Variants in OPA1 observed in about 807,000 individuals in gnomAD.
OPA1 encodes the protein OPA1 mitochondrial dynamin like GTPase.
Under a neutral mutation model 152.9 loss-of-function variants are expected in OPA1, and 59 were observed. The ratio of observed to expected loss-of-function variants is 0.39; its 90% CI spans 0.31 to 0.48. OPA1 has a LOEUF of 0.48. OPA1 is among the 20% of genes least tolerant of loss of function. The pLI is 0.96. For missense variants in OPA1, 1,008 were observed against 1,216.8 expected (o/e 0.83, Z 2.55); for synonymous variants, 400 against 389.9 (o/e 1.03, Z -0.31).
chr3:193,620,460 A>T (rs1195288310), intron 6 of OPA1, among the ~76,000 whole-genome samples: 1 of 152,206 alleles, frequency 6.6e-6, no homozygotes, highest in Non-Finnish European at 1.5e-5. Context: ...TACAGATTTT[A>T]TTTTATACAG....
At chr3:193,603,246 A>C (rs1726734469) in intron 1 of OPA1, among the ~76,000 whole-genome samples, 1 of 152,216 alleles carries the variant, frequency 6.6e-6, no homozygotes, top group African/African-American at 2.4e-5. Context: ...TCTTTGCTTC[A>C]CGTTAAATTT....
At position 193,635,545 on chromosome 3, in the gene OPA1, A is replaced by G. The variant is rs756418052; in HGVS notation, c.948+23A>G. 7 of 1,422,622 alleles carry G rather than the reference A, an allele frequency of 4.9e-6. No individual in the cohort carries two copies. In the East Asian group the frequency reaches 1.4e-4, roughly 28 times the overall value. The allele number at this position is 1,422,622 out of a possible 1,614,324, so 88.1% of individuals were successfully genotyped here. On this transcript the variant is annotated intron_variant, in intron 9 of 30. Coordinates refer to ENST00000361510, the MANE Select transcript of OPA1 (RefSeq NM_130837.3). ...AAGGTATTCTAAGTTTGTCTTGTTT[A>G]TTCTCAAAATTTTACCGCTTAACGT...
chr3:193,666,264 C>T, intron 27 of OPA1, 32 bp from the exon 28 acceptor site: 1 of 1,561,394 alleles, frequency 6.4e-7, no homozygotes, highest in Non-Finnish European at 8.8e-7. Flanking sequence ...TTTAACTTTG[C>T]ATCTGGTAAT....
In OPA1 at chr3:193,615,022, G is replaced by A. The variant is rs1287078471; in HGVS notation, c.332G>A (p.Gly111Asp). 1 of 1,614,016 alleles carries A rather than the reference G, an allele frequency of 6.2e-7. No homozygotes were observed. Among genetic ancestry groups the A allele is most frequent in the African/African-American group, 1.3e-5 (1 of 75,048 alleles). ...RYLILGSAVG[G>D]GYTAKKTFDQ... ...CTCATACTAGGATCGGCTGTTGGGG[G>A]TGGCTACACAGCCAAAAAGGTGAAC... Residue 111 changes from glycine to aspartate, a missense_variant, in exon 2 of 31, where the codon GGT becomes GAT. Gly to Asp is a moderately conservative substitution (Grantham distance 94, BLOSUM62 -1). Coordinates refer to ENST00000361510, the MANE Select transcript of OPA1 (RefSeq NM_130837.3).
At chr3:193,656,701 A>G (rs889222477) in intron 22 of OPA1, among the ~76,000 whole-genome samples, 3 of 152,334 alleles carry the variant, frequency 2.0e-5, no homozygotes, top group Middle Eastern at 3.4e-3. Flanking sequence ...TCTTGAAGAG[A>G]CAGCCCTGTT....
At chr3:193,676,769 A>G (rs1476728799) in intron 29 of OPA1, among the ~76,000 whole-genome samples, 3 of 152,290 alleles carry the variant, frequency 2.0e-5, no homozygotes, top group South Asian at 2.1e-4. Flanking sequence ...TCACAAGGTC[A>G]GGAGATCCAG....
chr3:193,660,771 G>C (rs1158127566), intron 25 of OPA1, among the ~76,000 whole-genome samples: 1 of 152,000 alleles, frequency 6.6e-6, no homozygotes, highest in Non-Finnish European at 1.5e-5. Context: ...TGAGGAAGCA[G>C]ACAGTTAGTG....
intron 9 of OPA1, among the ~76,000 whole-genome samples, chr3:193,636,779 C>T (rs1440901207): frequency 1.3e-5 from 2 of 151,948 alleles, no homozygotes; most frequent in East Asian, 3.9e-4. Flanking sequence ...TGCTCTCTGT[C>T]CTCTCTCTTT....
chr3:193,642,382 C>T (rs541510192), intron 11 of OPA1, among the ~76,000 whole-genome samples: 18 of 152,286 alleles, frequency 1.2e-4, no homozygotes, highest in African/African-American at 3.8e-4. Flanking sequence ...TGTCCTTTAC[C>T]TAAATTCATC....
rs940933792 is a variant in OPA1, at chr3:193,697,561, T to C, written c.*2961T>C. ...CTATTATTGGAGAGCATCTTTTAAATTTTTTTCTGTTTTAACGAGGGAAAG... is the reference window on the plus strand; with the variant it reads ...CTATTATTGGAGAGCATCTTTTAAACTTTTTTCTGTTTTAACGAGGGAAAG... On this transcript the variant is annotated 3_prime_UTR_variant, in exon 31 of 31. Coordinates refer to ENST00000361510, the MANE Select transcript of OPA1 (RefSeq NM_130837.3). 2.6e-5 allele frequency: 4 copies of C among 152,318 alleles called. No individual in the cohort carries two copies. Among genetic ancestry groups the C allele is most frequent in the Non-Finnish European group, 5.9e-5 (4 of 68,016 alleles). 9.4% of individuals were successfully genotyped at this position (152,318 alleles called of 1,614,324 possible). A position where few individuals can be genotyped will look rare whatever the true frequency, so the allele number is the denominator to read the frequency against.
At chr3:193,658,186 G>A (rs191858904) in intron 23 of OPA1, among the ~76,000 whole-genome samples, 79 of 151,250 alleles carry the variant, frequency 5.2e-4, no homozygotes, top group South Asian at 1.7e-3. Flanking sequence ...GGGAGGTTGC[G>A]GTTAGCCGAG....
chr3:193,676,950 C>T (rs1240592104), intron 29 of OPA1, among the ~76,000 whole-genome samples: 1 of 134,904 alleles, frequency 7.4e-6, no homozygotes, highest in Non-Finnish European at 1.5e-5. Flanking sequence ...CACTGCACTC[C>T]AGCCTGGGTG....
chr3:193,678,057 G>T (rs1719477545), intron 29 of OPA1, among the ~76,000 whole-genome samples: 1 of 152,128 alleles, frequency 6.6e-6, no homozygotes, highest in African/African-American at 2.4e-5. Context: ...TTGTTTCATT[G>T]TTACCTCCTG....
At chr3:193,667,387 T>G (rs1363470262) in intron 29 of OPA1, 107 bp downstream of exon 29, 4 of 754,588 alleles carry the variant, frequency 5.3e-6, no homozygotes, top group Non-Finnish European at 7.3e-6. Context: ...TACAAGGAAC[T>G]GGGCTGAGCA....
intron 7 of OPA1, among the ~76,000 whole-genome samples, chr3:193,630,553 A>C (rs1198488677): frequency 2.0e-5 from 3 of 152,186 alleles, no homozygotes; most frequent in African/African-American, 7.2e-5. Flanking sequence ...TTTTTCATGT[A>C]TATTTGCTGC....
chr3:193,666,928 T>C (rs997328891), intron 28 of OPA1, among the ~76,000 whole-genome samples: 7 of 152,172 alleles, frequency 4.6e-5, no homozygotes, highest in African/African-American at 1.7e-4. Context: ...ATCACTTAGT[T>C]TTTTGGGAAA....
intron 1 of OPA1, among the ~76,000 whole-genome samples, chr3:193,610,558 C>G (rs1256720530): frequency 1.3e-5 from 2 of 152,210 alleles, no homozygotes; most frequent in Middle Eastern, 3.4e-3. Context: ...TGCTCTCTTC[C>G]AAGCTGTCAG....
intron 24 of OPA1, 99 bp from the exon 25 acceptor site, chr3:193,659,383 A>G: frequency 2.9e-6 from 3 of 1,027,746 alleles, no homozygotes; most frequent in Non-Finnish European, 4.5e-6. Context: ...TCATATTGAT[A>G]TAGCACTTTG....
chr3:193,671,535 T>C (rs10937597), intron 29 of OPA1, among the ~76,000 whole-genome samples: 1 of 151,966 alleles, frequency 6.6e-6, no homozygotes, highest in Non-Finnish European at 1.5e-5. Flanking sequence ...CAGTTAGTGA[T>C]ATTTGAAGGG....
Sources: allele counts gnomAD v4.1 joint callset (sites outside exome capture counted in the v4.1 genomes callset), GRCh38; gene constraint gnomAD v4.1.1; transcripts MANE v1.5; gene names NCBI Gene and HGNC (gene_info 2026-07-23, HGNC 2026-07-21).